TUSC3: variants seen among roughly 807,000 people sequenced by gnomAD.
TUSC3 encodes tumor suppressor candidate 3.
TUSC3 carries 45 observed loss-of-function variants against 44.8 expected under a neutral mutation model. The ratio of observed to expected loss-of-function variants is 1.00; its 90% CI spans 0.79 to 1.29. The LOEUF (loss-of-function observed/expected upper bound fraction) is 1.29. Ranked by LOEUF, TUSC3 falls within the 50% of genes most tolerant of loss-of-function variation. The pLI, the probability that TUSC3 is intolerant of heterozygous loss-of-function variation, is 0.00. For synonymous variants in TUSC3, 212 were observed against 152.9 expected (o/e 1.39, Z -2.85); for missense variants, 519 against 437.9 (o/e 1.19, Z -1.65).
Position 15,498,877 on chromosome 8 carries a change from T to A in TUSC3, n.189+15394T>A, listed in dbSNP as rs182619882. On this transcript the variant is annotated intron_variant and non_coding_transcript_variant, in intron 2 of 5. Coordinates refer to the TUSC3 transcript ENST00000503191. ...CTACAATTGTGTATAGTCTAATCAG[T>A]ACAATGAATTCTTATATCCCATATT... 1.7e-3 allele frequency among the ~76,000 whole-genome samples: 261 copies of A among 152,336 alleles called. 7 individuals carry two copies. Among genetic ancestry groups the A allele is most frequent in the Admixed American group, 0.012 (182 of 15,296 alleles).
intron 1 of TUSC3, among the ~76,000 whole-genome samples, chr8:15,575,958 T>C (rs1416557694): frequency 7.8e-6 from 1 of 128,966 alleles, no homozygotes; most frequent in Non-Finnish European, 1.8e-5. Flanking sequence ...TTCAATAATA[T>C]ATTGTGAATT....
At chr8:15,842,451 T>A in the TUSC3 span, among the ~76,000 whole-genome samples, 1 of 152,222 alleles carries the variant, frequency 6.6e-6, no homozygotes, top group Non-Finnish European at 1.5e-5. Flanking sequence ...TTCATGTCTC[T>A]ATTTATTTAT....
chr8:15,563,306 A>G (rs542211854), intron 1 of TUSC3, among the ~76,000 whole-genome samples: 2 of 152,224 alleles, frequency 1.3e-5, no homozygotes, highest in Admixed American at 6.5e-5. Context: ...TTTATTTGCA[A>G]TGGTGTGAAC....
At chr8:15,417,454 A>G (rs1799674154) in intron 1 of TUSC3, 1 of 152,274 alleles carries the variant, frequency 6.6e-6, no homozygotes, top group Non-Finnish European at 1.5e-5. Context: ...TGATTCATGG[A>G]CTAAATGAGA....
At chr8:15,796,353 G>C in the TUSC3 span, among the ~76,000 whole-genome samples, 1 of 152,202 alleles carries the variant, frequency 6.6e-6, no homozygotes, top group African/African-American at 2.4e-5. Context: ...ATCCCAAAGA[G>C]GACATATGGA....
At chr8:15,651,001 ACACACACAC>A in intron 3 of TUSC3, 187 bp downstream of exon 3, 1 of 562,072 alleles carries the variant, frequency 1.8e-6, no homozygotes, top group Non-Finnish European at 3.2e-6. Context: ...ACACACACAC[ACACACACAC>A]ACACACACAC....
chr8:15,541,065 A>G (rs1399103137), intron 1 of TUSC3, among the ~76,000 whole-genome samples: 1 of 152,138 alleles, frequency 6.6e-6, no homozygotes, highest in Non-Finnish European at 1.5e-5. Flanking sequence ...ACTTGTGAGA[A>G]TAAGCTTGCA....
At chr8:15,739,149 A>G (rs1227529627) in intron 7 of TUSC3, among the ~76,000 whole-genome samples, 1 of 151,878 alleles carries the variant, frequency 6.6e-6, no homozygotes, top group African/African-American at 2.4e-5. Flanking sequence ...TGTTATTAAG[A>G]ATTTTTGTCA....
At chr8:15,654,779 A>G (rs1411049030) in intron 3 of TUSC3, among the ~76,000 whole-genome samples, 1 of 152,108 alleles carries the variant, frequency 6.6e-6, no homozygotes, top group Admixed American at 6.5e-5. Context: ...CCTGGGTGAC[A>G]CAGCAAGACT....
intron 1 of TUSC3, among the ~76,000 whole-genome samples, chr8:15,431,315 C>G (rs1470178316): frequency 6.6e-6 from 1 of 151,654 alleles, no homozygotes; most frequent in African/African-American, 2.4e-5. Flanking sequence ...TTCTTCCAAT[C>G]CATGAACACA....
chr8:15,512,558 AG>A (rs1280443151), intron 2 of TUSC3, among the ~76,000 whole-genome samples: 11 of 152,122 alleles, frequency 7.2e-5, no homozygotes, highest in Non-Finnish European at 1.5e-4. Flanking sequence ...AGATCACTTG[AG>A]GTCAGCAGTT....
At chr8:15,660,826 A>G (rs576334910) in intron 4 of TUSC3, among the ~76,000 whole-genome samples, 1 of 151,804 alleles carries the variant, frequency 6.6e-6, no homozygotes, top group African/African-American at 2.4e-5. Flanking sequence ...TCCTTATAAG[A>G]AATACTAAAT....
intron 6 of TUSC3, among the ~76,000 whole-genome samples, chr8:15,729,776 G>C (rs562879048): frequency 6.6e-6 from 1 of 152,016 alleles, no homozygotes; most frequent in East Asian, 1.9e-4. Flanking sequence ...CACTACCTGG[G>C]AGACAAAATC....
chr8:15,565,910 T>C (rs1802651041), intron 1 of TUSC3, among the ~76,000 whole-genome samples: 1 of 152,144 alleles, frequency 6.6e-6, no homozygotes, highest in Non-Finnish European at 1.5e-5. Flanking sequence ...CACTAAAATT[T>C]TGGGGTCTGT....
At chr8:15,434,157 G>A (rs1484883362) in intron 1 of TUSC3, among the ~76,000 whole-genome samples, 2 of 152,122 alleles carry the variant, frequency 1.3e-5, no homozygotes, top group East Asian at 3.9e-4. Flanking sequence ...TTCTAGTGGT[G>A]TGTAATGGTA....
Position 15,728,772 on chromosome 8 carries a change from G to A in TUSC3, c.799-1894G>A, listed in dbSNP as rs967307793. ...CTGGGAAGGCTGAGTAGAGAGAAGAGGCCTAAGCCTGTTGAGCTCTGAGAT... is the reference window on the plus strand; with the variant it reads ...CTGGGAAGGCTGAGTAGAGAGAAGAAGCCTAAGCCTGTTGAGCTCTGAGAT... On this transcript the variant is annotated intron_variant, in intron 6 of 10. Transcript: ENST00000503731. 4.6e-5 allele frequency among the ~76,000 whole-genome samples: 7 copies of A among 152,224 alleles called. No homozygotes were observed. The East Asian group carries it at 1.2e-3, about 25-fold the overall frequency.
chr8:15,737,067 A>T, intron 7 of TUSC3, among the ~76,000 whole-genome samples: 1 of 151,986 alleles, frequency 6.6e-6, no homozygotes, highest in East Asian at 1.9e-4. Flanking sequence ...TGAGCAAAAC[A>T]TTTTTTCCAT....
chr8:15,820,568 T>C, the TUSC3 span, among the ~76,000 whole-genome samples: 1 of 152,166 alleles, frequency 6.6e-6, no homozygotes, highest in Non-Finnish European at 1.5e-5. Flanking sequence ...TCGGCCCACC[T>C]CAGCCTCCCA....
At chr8:15,483,349 TG>T (rs1800688940) in intron 1 of TUSC3, 2 of 234,762 alleles carry the variant, frequency 8.5e-6, no homozygotes, top group Admixed American at 8.1e-5. Flanking sequence ...TGTTTTGTTT[TG>T]TTTTTTTGAG....
Sources: allele counts gnomAD v4.1 joint callset (sites outside exome capture counted in the v4.1 genomes callset), GRCh38; gene constraint gnomAD v4.1.1; transcripts MANE v1.5; gene names NCBI Gene and HGNC (gene_info 2026-07-23, HGNC 2026-07-21).